Variants in DNAI1 observed in about 807,000 individuals in gnomAD.
DNAI1 encodes the protein dynein, axonemal, intermediate polypeptide 1.
DNAI1 carries 67 observed loss-of-function variants against 92.0 expected under a neutral mutation model. That is an observed-to-expected ratio of 0.73 (90% CI 0.60 to 0.89). The LOEUF is 0.89. DNAI1 is among the 40% of genes least tolerant of loss of function. The pLI, the probability that DNAI1 is intolerant of heterozygous loss-of-function variation, is 0.00. For missense variants in DNAI1, 839 were observed against 866.6 expected (o/e 0.97, Z 0.40); for synonymous variants, 323 against 319.6 (o/e 1.01, Z -0.11).
intron 1 of DNAI1, among the ~76,000 whole-genome samples, chr9:34,469,579 G>A (rs1205004798): frequency 6.6e-6 from 1 of 151,118 alleles, no homozygotes; most frequent in Non-Finnish European, 1.5e-5. Flanking sequence ...TCTTTTTGTT[G>A]TTGTTTTTGG....
Position 34,520,853 on chromosome 9 carries a change from C to A in DNAI1, c.*97C>A, listed in dbSNP as rs758470922. 14 of 1,142,830 alleles carry A rather than the reference C, an allele frequency of 1.2e-5. No individual in the cohort carries two copies. The Admixed American group carries it at 2.8e-4, about 23-fold the overall frequency. The allele number at this position is 1,142,830 out of a possible 1,614,324, so 70.8% of individuals were successfully genotyped here. On this transcript the variant is annotated 3_prime_UTR_variant, in exon 20 of 20. Coordinates refer to ENST00000242317, the MANE Select transcript of DNAI1 (RefSeq NM_012144.4). ...AGCCTTAGCACCCAGCATGTGACCC[C>A]ACTCCTGATCAGGTCCCAGCATCTT...
At chr9:34,499,673 G>C (rs754325241) in intron 10 of DNAI1, among the ~76,000 whole-genome samples, 1 of 152,162 alleles carries the variant, frequency 6.6e-6, no homozygotes, top group Non-Finnish European at 1.5e-5. Context: ...AGTTTGATCT[G>C]GATCTGGAGT....
chr9:34,513,153 A>G lies in DNAI1; in HGVS notation c.1531A>G (p.Met511Val), dbSNP rs775213140. The G allele has an allele frequency of 1.3e-5, 21 of 1,614,008 alleles. No individual in the cohort carries two copies. The highest frequency in any genetic ancestry group is 1.7e-5 in the Non-Finnish European group (20 of 1,180,028). Reference sequence around the variant, plus strand: ...TGACTTCCACAAAGAGATTGACTACATGTTCCTAGTGGGCACAGAGGAGGG... The same window carrying G: ...TGACTTCCACAAAGAGATTGACTACGTGTTCCTAGTGGGCACAGAGGAGGG... Reference protein sequence around the residue: ...AFDFHKEIDYMFLVGTEEGKI... With the variant: ...AFDFHKEIDYVFLVGTEEGKI... Residue 511 changes from methionine (M) to valine (V), a missense_variant, in exon 16 of 20, where the codon ATG becomes GTG. By Grantham distance (21) the Met-to-Val change is conservative (BLOSUM62 1). Transcript: ENST00000242317.
At chr9:34,468,329 C>T (rs187414794) in intron 1 of DNAI1, among the ~76,000 whole-genome samples, 7,511 of 151,130 alleles carry the variant, frequency 0.05, 274 homozygotes, top group Non-Finnish European at 0.065. Flanking sequence ...CTAAGGCGCC[C>T]GCCACCACGC....
Position 34,514,665 on chromosome 9 carries a change from A to G in DNAI1, c.1744A>G (p.Asn582Asp), listed in dbSNP as rs766555784. 1 of 1,614,166 alleles carries G rather than the reference A, an allele frequency of 6.2e-7. No individual in the cohort carries two copies. Among genetic ancestry groups the G allele is most frequent in the South Asian group, 1.1e-5 (1 of 91,076 alleles). The change falls in exon 18 of 20, where the codon AAC becomes GAC. Residue 582 changes from asparagine (N) to aspartate (D), a missense_variant. By Grantham distance (23) the Asn-to-Asp change is conservative. Transcript: ENST00000242317. Reference protein sequence around the residue: ...IKTPMFIYDLNSAVGDVAWAP... With the variant: ...IKTPMFIYDLDSAVGDVAWAP... ...GACCCCGATGTTCATCTATGACCTG[A>G]ACTCAGCCGTGGGTGATGTGGCCTG... is the stretch of plus-strand genomic sequence containing the variant.
chr9:34,505,371 C>T (rs1017734346), intron 12 of DNAI1, among the ~76,000 whole-genome samples: 1 of 152,160 alleles, frequency 6.6e-6, no homozygotes, highest in East Asian at 1.9e-4. Flanking sequence ...ACTCTCCTGC[C>T]TCCCTCTTTC....
intron 9 of DNAI1, among the ~76,000 whole-genome samples, 199 bp from the exon 10 acceptor site, chr9:34,496,916 T>G (rs1824737581): frequency 6.6e-6 from 1 of 152,198 alleles, no homozygotes; most frequent in Non-Finnish European, 1.5e-5. Flanking sequence ...TTTGTGCCAC[T>G]TGTGAGGTAG....
At chr9:34,515,953 G>C (rs999975905) in intron 18 of DNAI1, among the ~76,000 whole-genome samples, 2 of 151,792 alleles carry the variant, frequency 1.3e-5, no homozygotes, top group Non-Finnish European at 2.9e-5. Context: ...TACATTAAAA[G>C]AAGAAAGATA....
intron 1 of DNAI1, among the ~76,000 whole-genome samples, chr9:34,473,688 A>ATTGGTTGG (rs369367980): frequency 1.1e-4 from 16 of 151,882 alleles, no homozygotes; most frequent in African/African-American, 1.7e-4. Flanking sequence ...AATACAATAT[A>ATTGGTTGG]TTGGTTGGTT....
intron 10 of DNAI1, among the ~76,000 whole-genome samples, chr9:34,497,772 G>A (rs943784927): frequency 2.6e-5 from 4 of 152,206 alleles, no homozygotes; most frequent in Admixed American, 2.6e-4. Flanking sequence ...GAAGCAGAGT[G>A]TGTGAGAGAA....
Position 34,500,805 on chromosome 9 carries a change from A to C in DNAI1, c.985A>C (p.Lys329Gln). The C allele has an allele frequency of 6.2e-7, 1 of 1,614,166 alleles. No homozygotes were observed. The highest frequency in any genetic ancestry group is 8.5e-7 in the Non-Finnish European group (1 of 1,180,024). Reference sequence around the variant, plus strand: ...GCCGCTCTGGAAGTTCCAAAATGACAAAGCCAAGCGCCTGTCCGTCACTGC... The same window carrying C: ...GCCGCTCTGGAAGTTCCAAAATGACCAAGCCAAGCGCCTGTCCGTCACTGC... ...LLPLWKFQND[K>Q]AKRLSVTALC... is the part of the protein sequence containing the mutation. Residue 329 changes from lysine (K) to glutamine (Q), a missense_variant, in exon 11 of 20, where the codon AAA becomes CAA. Physicochemically the swap from Lys to Gln is moderately conservative, Grantham distance 53. Coordinates refer to ENST00000242317, the MANE Select transcript of DNAI1 (RefSeq NM_012144.4).
Position 34,485,506 on chromosome 9 carries a change from T to C in DNAI1, c.250T>C (p.Tyr84His). 1.2e-6 allele frequency: 2 copies of C among 1,614,146 alleles called. No individual in the cohort carries two copies. The highest frequency in any genetic ancestry group is 1.3e-5 in the African/African-American group (1 of 75,046). Residue 84 changes from tyrosine to histidine, a missense_variant, in exon 4 of 20, where the codon TAC becomes CAC. Tyr to His is a moderately conservative substitution (Grantham distance 83). Coordinates refer to ENST00000242317, the MANE Select transcript of DNAI1 (RefSeq NM_012144.4). ...ACACGCACCCCAGAACATTGTCAGG[T>C]ACAGCTTCAAAGTAAGTCATCCCCT... is the stretch of plus-strand genomic sequence containing the variant. ...NPHAPQNIVR[Y>H]SFKEGTYKPI...
chr9:34,460,072 C>G (rs1823918751), intron 1 of DNAI1, among the ~76,000 whole-genome samples: 1 of 152,200 alleles, frequency 6.6e-6, no homozygotes, highest in African/African-American at 2.4e-5. Context: ...TCCTATGATT[C>G]ATTCAGCTAT....
intron 6 of DNAI1, 48 bp downstream of exon 6, chr9:34,490,172 T>C (rs1355772079): frequency 1.2e-6 from 2 of 1,613,372 alleles, no homozygotes; most frequent in African/African-American, 2.7e-5. Context: ...GCTCAAGCTG[T>C]GGATGGAGGC....
intron 13 of DNAI1, among the ~76,000 whole-genome samples, chr9:34,508,028 T>C (rs1432759825): frequency 6.6e-6 from 1 of 152,164 alleles, no homozygotes; most frequent in African/African-American, 2.4e-5. Context: ...GTCCCAAAGG[T>C]CCCCTTCTTT....
At chr9:34,503,575 A>C (rs1824872324) in intron 12 of DNAI1, among the ~76,000 whole-genome samples, 1 of 152,216 alleles carries the variant, frequency 6.6e-6, no homozygotes. Flanking sequence ...GACTCAGCCA[A>C]ATAAAACTTT....
At chr9:34,467,901 C>T (rs1036208684) in intron 1 of DNAI1, among the ~76,000 whole-genome samples, 17 of 152,220 alleles carry the variant, frequency 1.1e-4, no homozygotes, top group African/African-American at 4.1e-4. Context: ...ATTTCTTGAT[C>T]ATGGCTCAGA....
intron 1 of DNAI1, among the ~76,000 whole-genome samples, chr9:34,468,207 C>T (rs547821823): frequency 5.3e-5 from 8 of 150,578 alleles, no homozygotes; most frequent in Non-Finnish European, 8.9e-5. Flanking sequence ...TTTGAGATGG[C>T]GTCTCGCTCT....
chr9:34,501,367 T>C (rs933875664), intron 12 of DNAI1, among the ~76,000 whole-genome samples, 186 bp downstream of exon 12: 2 of 152,230 alleles, frequency 1.3e-5, no homozygotes, highest in African/African-American at 4.8e-5. Flanking sequence ...TATTCTAAGC[T>C]GAATGTGTCA....
Sources: allele counts gnomAD v4.1 joint callset (sites outside exome capture counted in the v4.1 genomes callset), GRCh38; gene constraint gnomAD v4.1.1; transcripts MANE v1.5; gene names NCBI Gene and HGNC (gene_info 2026-07-23, HGNC 2026-07-21).